Variants in ST3GAL5 observed in about 807,000 individuals in gnomAD.
The protein encoded by ST3GAL5 is lactosylceramide alpha-2,3-sialyltransferase.
ST3GAL5 carries 25 observed loss-of-function variants against 46.1 expected under a neutral mutation model. That is an observed-to-expected ratio of 0.54 (90% CI 0.40 to 0.76). The LOEUF is 0.76. ST3GAL5 is among the 30% of genes least tolerant of loss of function. ST3GAL5 has a pLI of 0.00. For missense variants in ST3GAL5, 431 were observed against 521.2 expected (o/e 0.83, Z 1.69); for synonymous variants, 182 against 192.7 (o/e 0.94, Z 0.46).
chr2:85,868,919 G>A (rs12614498), intron 1 of ST3GAL5, among the ~76,000 whole-genome samples: 26,846 of 151,912 alleles, frequency 0.18, 2,813 homozygotes, highest in South Asian at 0.34. Context: ...GCACCCAGCC[G>A]GCAATTATAC....
At chr2:85,854,472 C>T (rs1683877725) in intron 3 of ST3GAL5, 1 of 152,324 alleles carries the variant, frequency 6.6e-6, no homozygotes, top group African/African-American at 2.4e-5. Flanking sequence ...AAAGGACTTA[C>T]ATTCCATGGT....
chr2:85,851,704 C>T (rs1271436746), intron 3 of ST3GAL5: 1 of 1,289,404 alleles, frequency 7.8e-7, no homozygotes. Flanking sequence ...CCTTCAGGAG[C>T]TGCAATGAAG....
chr2:85,853,073 A>C, intron 3 of ST3GAL5: 3 of 1,304,284 alleles, frequency 2.3e-6, no homozygotes, highest in Non-Finnish European at 3.0e-6. Context: ...ACGCAATGCC[A>C]TCCGCAGGGA....
rs1681756507 is a variant in ST3GAL5, at chr2:85,839,521, TTC to T, written c.*621_*622del. On this transcript the variant is annotated 3_prime_UTR_variant, in exon 7 of 7. Coordinates refer to ENST00000638572, the MANE Select transcript of ST3GAL5 (RefSeq NM_003896.4). ...CTTCACAGTTGTCAGAGGTCACAGA[TTC>T]TATGTCCCTCTCCGACCAGGGACCT... 1 of 155,914 alleles carries T rather than the reference TTC, an allele frequency of 6.4e-6. No individual in the cohort carries two copies. Among genetic ancestry groups the T allele is most frequent in the Non-Finnish European group, 1.4e-5 (1 of 70,304 alleles). The allele number at this position is 155,914 out of a possible 1,614,324, so 9.7% of individuals were successfully genotyped here.
chr2:85,842,606 G>A (rs1327084644), intron 6 of ST3GAL5, among the ~76,000 whole-genome samples: 1 of 152,010 alleles, frequency 6.6e-6, no homozygotes, highest in Non-Finnish European at 1.5e-5. Context: ...TATAAAAATA[G>A]GAAAATATTC....
At chr2:85,881,752 T>C (rs1468503292) in intron 1 of ST3GAL5, among the ~76,000 whole-genome samples, 1 of 142,586 alleles carries the variant, frequency 7.0e-6, no homozygotes, top group Non-Finnish European at 1.5e-5. Flanking sequence ...GAACAGAGCA[T>C]AAAAGTTGAG....
intron 5 of ST3GAL5, chr2:85,845,077 G>A (rs1194604445): frequency 4.7e-6 from 1 of 213,012 alleles, no homozygotes; most frequent in East Asian, 1.1e-4. Flanking sequence ...GAGTTTACGT[G>A]AAAAGTTGAA....
chr2:85,843,131 A>G (rs1682353912), intron 6 of ST3GAL5, among the ~76,000 whole-genome samples: 1 of 152,192 alleles, frequency 6.6e-6, no homozygotes. Flanking sequence ...TCCTTAACAG[A>G]CAATACTGCA....
At chr2:85,883,535 G>C (rs1259703600) in intron 1 of ST3GAL5, among the ~76,000 whole-genome samples, 2 of 152,228 alleles carry the variant, frequency 1.3e-5, no homozygotes, top group African/African-American at 4.8e-5. Flanking sequence ...CCAGAGGAAA[G>C]AACGTTTCTG....
At chr2:85,847,489 C>G in intron 4 of ST3GAL5, 1 of 1,036,248 alleles carries the variant, frequency 9.7e-7, no homozygotes, top group South Asian at 3.6e-5. Flanking sequence ...CCCTTGTGGG[C>G]AGGGACTGTG....
chr2:85,842,275 G>A (rs890460602), intron 6 of ST3GAL5, among the ~76,000 whole-genome samples: 10 of 152,196 alleles, frequency 6.6e-5, no homozygotes, highest in East Asian at 1.9e-4. Context: ...GGCTCTAGGC[G>A]TTGTTCTGTC....
chr2:85,839,064 G>T lies in ST3GAL5; in HGVS notation c.*1080C>A, dbSNP rs1681706899. 1.3e-5 allele frequency: 2 copies of T among 152,242 alleles called. No individual in the cohort carries two copies. The highest frequency in any genetic ancestry group is 2.9e-5 in the Non-Finnish European group (2 of 68,102). The allele number at this position is 152,242 out of a possible 1,614,324, so 9.4% of individuals were successfully genotyped here. On this transcript the variant is annotated 3_prime_UTR_variant, in exon 7 of 7. Transcript: ENST00000638572. ...CCCTCACTACTGGCATCCACAGAGA[G>T]GTCTCCGCCTAGCAGCAGCATCCAA...
intron 1 of ST3GAL5, among the ~76,000 whole-genome samples, chr2:85,876,845 C>A (rs1274901812): frequency 1.3e-5 from 2 of 152,082 alleles, no homozygotes; most frequent in East Asian, 3.9e-4. Flanking sequence ...CTATAATGAC[C>A]ACGGAAAGGG....
intron 1 of ST3GAL5, chr2:85,868,017 T>C (rs368860000): frequency 2.3e-5 from 6 of 258,848 alleles, no homozygotes; most frequent in African/African-American, 6.6e-5. Context: ...CAAGGGACCA[T>C]GTGGATTCCA....
chr2:85,859,150 C>A (rs1684462463), intron 3 of ST3GAL5, among the ~76,000 whole-genome samples: 1 of 152,194 alleles, frequency 6.6e-6, no homozygotes, highest in African/African-American at 2.4e-5. Context: ...GAATAGTATT[C>A]TTGGCCCTTG....
intron 1 of ST3GAL5, 133 bp downstream of exon 1, chr2:85,888,691 C>T (rs913872970): frequency 9.2e-6 from 6 of 651,804 alleles, no homozygotes; most frequent in Non-Finnish European, 1.0e-5. Context: ...CTGAGGGTGT[C>T]GTGCCCTGGG....
chr2:85,870,628 A>G (rs1685815779), intron 1 of ST3GAL5, among the ~76,000 whole-genome samples: 1 of 152,202 alleles, frequency 6.6e-6, no homozygotes, highest in African/African-American at 2.4e-5. Flanking sequence ...AGCCCATATG[A>G]AGAAATAATT....
Position 85,867,750 on chromosome 2 carries a change from T to A in ST3GAL5, c.83-4265A>T, listed in dbSNP as rs191592976. 35 of 730,402 alleles carry A rather than the reference T, an allele frequency of 4.8e-5. No homozygotes were observed. In the African/African-American group the frequency reaches 5.5e-4, roughly 12 times the overall value. The allele number at this position is 730,402 out of a possible 1,614,324, so 45.2% of individuals were successfully genotyped here. A position where few individuals can be genotyped will look rare whatever the true frequency, so the allele number is the denominator to read the frequency against. On this transcript the variant is annotated intron_variant, in intron 1 of 6. Coordinates refer to ENST00000638572, the MANE Select transcript of ST3GAL5 (RefSeq NM_003896.4). Reference sequence around the variant, plus strand: ...CATTGACATCCAACCCTCAGGAAAATGCAAGAATTTGCCGAAGGGCAGGAC... The same window carrying A: ...CATTGACATCCAACCCTCAGGAAAAAGCAAGAATTTGCCGAAGGGCAGGAC...
In ST3GAL5 at chr2:85,863,121, G is replaced by A. The variant is rs553742147; in HGVS notation, c.206+241C>T. ...CTGCTCTCCCAGGCATCCAGGCCAA[G>A]GTAGAGAGCCTGAGCAGCTACTGGG... is the stretch of plus-strand genomic sequence containing the variant. On this transcript the variant is annotated intron_variant, in intron 2 of 6. Coordinates refer to ENST00000638572, the MANE Select transcript of ST3GAL5 (RefSeq NM_003896.4). Among the ~76,000 whole-genome samples, 11 of 152,354 alleles carry A rather than the reference G, an allele frequency of 7.2e-5. No homozygotes were observed. In the East Asian group the frequency reaches 1.9e-3, roughly 27 times the overall value.
Sources: gnomAD v4.1 joint callset for allele counts (sites outside exome capture counted in the v4.1 genomes callset) on GRCh38, gnomAD v4.1.1 for gene constraint, MANE v1.5 for transcripts, NCBI Gene and HGNC (gene_info 2026-07-23, HGNC 2026-07-21) for gene names.